The following TAOK3 variants were observed in gnomAD, a reference collection of about 807,000 sequenced individuals.
TAOK3 encodes TAO kinase 3.
TAOK3 carries 40 observed loss-of-function variants against 120.4 expected under a neutral mutation model. The observed-to-expected ratio is 0.33, with a 90% confidence interval of 0.26 to 0.43. The LOEUF is 0.43. Ranked by LOEUF, TAOK3 falls within the 20% of genes least tolerant of loss-of-function variation. The pLI is 1.00. For missense variants in TAOK3, 821 were observed against 1,112.1 expected, an observed-to-expected ratio of 0.74 and a Z score of 3.72; for synonymous variants, 355 against 387.5, an observed-to-expected ratio of 0.92 and a Z score of 0.99.
intron 15 of TAOK3, among the ~76,000 whole-genome samples, chr12:118,179,713 C>T (rs1381598872): frequency 1.3e-5 from 2 of 149,462 alleles, no homozygotes; most frequent in African/African-American, 4.9e-5. Flanking sequence ...GGCGTGACCT[C>T]GGCTCACTGC....
chr12:118,177,431 A>G, intron 15 of TAOK3, 102 bp from the exon 16 acceptor site: 1 of 797,848 alleles, frequency 1.3e-6, no homozygotes, highest in East Asian at 2.8e-5. Flanking sequence ...AGTGCTAATA[A>G]TGAGACATTT....
chr12:118,159,900 A>G (rs539004751), intron 19 of TAOK3: 210 of 545,766 alleles, frequency 3.8e-4, no homozygotes, highest in Admixed American at 1.2e-3. Context: ...ATTTGCCCTC[A>G]AAGTCCCTAT....
intron 8 of TAOK3, among the ~76,000 whole-genome samples, chr12:118,234,822 T>C (rs928060559): frequency 6.6e-6 from 1 of 152,222 alleles, no homozygotes; most frequent in Non-Finnish European, 1.5e-5. Context: ...GTTGTAGTAA[T>C]GGATGTTACT....
In TAOK3 at chr12:118,208,732, G is replaced by A. The variant is rs545801550; in HGVS notation, c.819+4182C>T. Among the ~76,000 whole-genome samples the A allele has an allele frequency of 7.8e-4, 119 of 152,160 alleles. 1 individual carries two copies. Among genetic ancestry groups the A allele is most frequent in the Non-Finnish European group, 1.0e-3 (71 of 67,988 alleles). ...TATTTTTATTTATTTATTTTTTTGA[G>A]ATGGAGTCTTGCTCTGTTGCCCAGG... On this transcript the variant is annotated intron_variant, in intron 11 of 20. Coordinates refer to ENST00000392533, the MANE Select transcript of TAOK3 (RefSeq NM_016281.4).
At chr12:118,279,547 G>C (rs534283358) in intron 1 of TAOK3, among the ~76,000 whole-genome samples, 2 of 147,556 alleles carry the variant, frequency 1.4e-5, no homozygotes, top group South Asian at 4.3e-4. Flanking sequence ...ATAGTTTTAG[G>C]TTTTACATGT....
intron 9 of TAOK3, among the ~76,000 whole-genome samples, chr12:118,220,060 C>T (rs895283193): frequency 1.3e-5 from 2 of 151,558 alleles, no homozygotes; most frequent in Admixed American, 1.3e-4. Flanking sequence ...CACACGTCAC[C>T]ATGCTTGGCT....
At chr12:118,266,414 C>T (rs552244374) in intron 2 of TAOK3, among the ~76,000 whole-genome samples, 1 of 151,390 alleles carries the variant, frequency 6.6e-6, no homozygotes, top group Non-Finnish European at 1.5e-5. Flanking sequence ...TTTGATCAGG[C>T]TGGTCTCGAA....
At chr12:118,245,175 G>A (rs148112351) in intron 3 of TAOK3, among the ~76,000 whole-genome samples, 77 of 152,166 alleles carry the variant, frequency 5.1e-4, no homozygotes, top group African/African-American at 1.7e-3. Context: ...AGGGATTACA[G>A]GCACGCACCA....
chr12:118,335,199 A>G (rs557941394), intron 1 of TAOK3, among the ~76,000 whole-genome samples: 1 of 152,124 alleles, frequency 6.6e-6, no homozygotes, highest in African/African-American at 2.4e-5. Flanking sequence ...AAAAAAAAAA[A>G]AATCTGTTTC....
At chr12:118,273,460 A>T (rs2041794367) in intron 1 of TAOK3, among the ~76,000 whole-genome samples, 1 of 150,390 alleles carries the variant, frequency 6.6e-6, no homozygotes, top group Non-Finnish European at 1.5e-5. Context: ...CGAGATCGGC[A>T]CCACTGCACT....
rs1470567088 is a variant in TAOK3, at chr12:118,189,533, CAG to C, written c.1329+272_1329+273del. ...CAGCATATACAAACACACACAGACA[CAG>C]ACACACACACACACACACACACACA... On this transcript the variant is annotated intron_variant, in intron 14 of 20. Coordinates refer to ENST00000392533, the MANE Select transcript of TAOK3 (RefSeq NM_016281.4). 2.0e-3 allele frequency among the ~76,000 whole-genome samples: 201 copies of C among 98,358 alleles called. 1 individual carries two copies. The highest frequency in any genetic ancestry group is 4.0e-3 in the Admixed American group (32 of 7,966). The allele number at this position is 98,358 out of a possible 152,430, so 64.5% of individuals were successfully genotyped here. A position where few individuals can be genotyped will look rare whatever the true frequency, so the allele number is the denominator to read the frequency against.
intron 4 of TAOK3, among the ~76,000 whole-genome samples, chr12:118,244,114 G>A (rs894998805): frequency 2.0e-5 from 3 of 152,228 alleles, no homozygotes; most frequent in African/African-American, 7.2e-5. Flanking sequence ...CCAGGCTAGA[G>A]TACAGTGTTG....
chr12:118,291,725 G>A (rs1159870897), intron 1 of TAOK3, among the ~76,000 whole-genome samples: 1 of 152,020 alleles, frequency 6.6e-6, no homozygotes, highest in East Asian at 1.9e-4. Flanking sequence ...GAGATCATTC[G>A]ATTTAAACAT....
At chr12:118,162,139 T>C (rs998593348) in intron 17 of TAOK3, 112 bp from the exon 18 acceptor site, 33 of 1,328,182 alleles carry the variant, frequency 2.5e-5, no homozygotes, top group African/African-American at 2.9e-5. Context: ...ATCTCTTAAT[T>C]AAACCCATTA....
At chr12:118,216,944 A>G (rs941605986) in intron 9 of TAOK3, among the ~76,000 whole-genome samples, 2 of 151,694 alleles carry the variant, frequency 1.3e-5, no homozygotes, top group Admixed American at 6.6e-5. Flanking sequence ...AAAAAAAAAA[A>G]AAAGAAAAAG....
chr12:118,264,700 C>T (rs2041367994), intron 2 of TAOK3, among the ~76,000 whole-genome samples: 1 of 152,164 alleles, frequency 6.6e-6, no homozygotes, highest in African/African-American at 2.4e-5. Context: ...AAATTATGCT[C>T]TTTAAATATG....
At chr12:118,218,144 T>C (rs2039032579) in intron 9 of TAOK3, among the ~76,000 whole-genome samples, 1 of 151,940 alleles carries the variant, frequency 6.6e-6, no homozygotes, top group Admixed American at 6.6e-5. Flanking sequence ...GACCTCTCAA[T>C]AGGATACTTT....
At chr12:118,270,116 G>C (rs1277592825) in intron 1 of TAOK3, among the ~76,000 whole-genome samples, 2 of 152,140 alleles carry the variant, frequency 1.3e-5, no homozygotes, top group Non-Finnish European at 2.9e-5. Flanking sequence ...TCACTAGACA[G>C]TACTGACCAT....
rs572192608 is a variant in TAOK3 at position 118,246,679 on chromosome 12, C to T, written c.121-1714G>A. ...GTGCTGGTGCGCCTCATCCCTGCAC[C>T]CAGGGGCACTGGCATCGTCTCCGCA... On this transcript the variant is annotated intron_variant, in intron 3 of 20. Transcript: ENST00000392533. The T allele has an allele frequency of 6.2e-5, 97 of 1,574,642 alleles. No homozygotes were observed. The African/African-American group carries it at 1.3e-3, about 20-fold the overall frequency.
Sources: gnomAD v4.1 joint callset for allele counts (sites outside exome capture counted in the v4.1 genomes callset) on GRCh38, gnomAD v4.1.1 for gene constraint, MANE v1.5 for transcripts, NCBI Gene and HGNC (gene_info 2026-07-23, HGNC 2026-07-21) for gene names.